Variants in GGA2 observed in about 807,000 individuals in gnomAD.
GGA2 encodes ADP-ribosylation factor-binding protein GGA2.
In GGA2, 48 loss-of-function variants were observed where a neutral mutation model predicts 79.5. The ratio of observed to expected loss-of-function variants is 0.60; its 90% CI spans 0.48 to 0.77. GGA2 has a LOEUF of 0.77. GGA2 is among the 30% of genes least tolerant of loss of function. The probability of loss-of-function intolerance (pLI) is 0.00; values close to 1 mark genes in which losing one functional copy is unlikely to be tolerated. For synonymous variants in GGA2, 317 were observed against 302.0 expected, an observed-to-expected ratio of 1.05 and a Z score of -0.51; for missense variants, 770 against 774.0, an observed-to-expected ratio of 0.99 and a Z score of 0.06.
chr16:23,501,411 A>AGT, intron 1 of GGA2: 1 of 442,060 alleles, frequency 2.3e-6, no homozygotes, highest in East Asian at 7.0e-5. Context: ...AAGATGGAGA[A>AGT]GTGTTTTTTG....
In GGA2 at chr16:23,470,053, C is replaced by T. The variant is rs139811732; in HGVS notation, c.1563G>A (p.Met521Ile). The change falls in exon 15 of 17, where the codon ATG (methionine) becomes ATA (isoleucine). Residue 521 changes from methionine to isoleucine, a missense_variant. Coordinates refer to ENST00000309859, the MANE Select transcript of GGA2 (RefSeq NM_015044.4). Reference sequence around the variant, plus strand: ...AGACAGGCTGGGGAGCCGTGCTCATCATGGTCAAGAGCAGCACCTGTACCT... The same window carrying T: ...AGACAGGCTGGGGAGCCGTGCTCATTATGGTCAAGAGCAGCACCTGTACCT... ...HPEVQVLLLT[M>I]MSTAPQPVWD... 1 of 1,607,084 alleles carries T rather than the reference C, an allele frequency of 6.2e-7. No homozygotes were observed. Among genetic ancestry groups the T allele is most frequent in the Non-Finnish European group, 8.5e-7 (1 of 1,176,944 alleles).
chr16:23,496,524 C>G (rs745654986), intron 1 of GGA2, among the ~76,000 whole-genome samples: 12 of 151,942 alleles, frequency 7.9e-5, no homozygotes, highest in Non-Finnish European at 1.0e-4. Context: ...CCATCTTGAC[C>G]GTTCATAAAA....
rs1444583082 is a variant in GGA2, at chr16:23,465,635, CAG to C, written c.*1953_*1954del. The C allele has an allele frequency of 5.4e-6, 3 of 554,024 alleles. No individual in the cohort carries two copies. Among genetic ancestry groups the C allele is most frequent in the Non-Finnish European group, 9.6e-6 (3 of 311,066 alleles). The allele number at this position is 554,024 out of a possible 1,614,324, so 34.3% of individuals were successfully genotyped here. A position where few individuals can be genotyped will look rare whatever the true frequency, so the allele number is the denominator to read the frequency against. On this transcript the variant is annotated 3_prime_UTR_variant, in exon 17 of 17. Coordinates refer to ENST00000309859, the MANE Select transcript of GGA2 (RefSeq NM_015044.4). ...CCTCTTCAAGACTACGCAACAGTAACAGAGCCTATAAAAGCTACACAGAGGCC... is the reference window on the plus strand; with the variant it reads ...CCTCTTCAAGACTACGCAACAGTAACAGCCTATAAAAGCTACACAGAGGCC...
intron 16 of GGA2, among the ~76,000 whole-genome samples, chr16:23,468,039 A>T (rs1964463063): frequency 6.6e-6 from 1 of 152,126 alleles, no homozygotes; most frequent in Admixed American, 6.5e-5. Context: ...AGCCCCAAAG[A>T]CAGACTCCAG....
chr16:23,469,116 A>T, intron 15 of GGA2, 120 bp from the exon 16 acceptor site: 1 of 638,928 alleles, frequency 1.6e-6, no homozygotes, highest in Non-Finnish European at 2.9e-6. Flanking sequence ...GCCCTCTTAA[A>T]CGTGGTACCC....
At chr16:23,497,126 C>T (rs961171204) in intron 1 of GGA2, among the ~76,000 whole-genome samples, 6 of 151,568 alleles carry the variant, frequency 4.0e-5, no homozygotes, top group South Asian at 2.1e-4. Context: ...AAAAAAACAA[C>T]CACCCTTCCA....
chr16:23,467,496 G>A lies in GGA2; in HGVS notation c.*94C>T, dbSNP rs1964455567. The A allele has an allele frequency of 2.8e-6, 2 of 702,608 alleles. No individual in the cohort carries two copies. Among genetic ancestry groups the A allele is most frequent in the Admixed American group, 4.1e-5 (2 of 48,756 alleles). 43.5% of individuals were successfully genotyped at this position (702,608 alleles called of 1,614,324 possible). The stretch of plus-strand genomic sequence containing the variant: ...AGCCTGACGTCAGGATAGGACTCTT[G>A]GCACTCCGCACTGAAACACCGTGAT... On this transcript the variant is annotated 3_prime_UTR_variant, in exon 17 of 17. Coordinates refer to ENST00000309859, the MANE Select transcript of GGA2 (RefSeq NM_015044.4).
intron 6 of GGA2, 54 bp from the exon 7 acceptor site, chr16:23,486,844 A>G: frequency 1.0e-6 from 1 of 960,828 alleles, no homozygotes; most frequent in South Asian, 1.3e-5. Flanking sequence ...TCAGGCCTAG[A>G]GCAGAAGCAG....
intron 5 of GGA2, among the ~76,000 whole-genome samples, chr16:23,491,326 A>C (rs965761763): frequency 1.3e-5 from 2 of 151,408 alleles, no homozygotes; most frequent in African/African-American, 4.8e-5. Context: ...AAAAAAAAAA[A>C]AAACCAAAAG....
upstream of GGA2, chr16:23,524,268 A>G: frequency 1.0e-6 from 1 of 955,276 alleles, no homozygotes; most frequent in Non-Finnish European, 1.7e-6. Flanking sequence ...TAGTTCCTTC[A>G]GCAAACTTCC....
At chr16:23,476,222 G>GC (rs769993478) in intron 13 of GGA2, among the ~76,000 whole-genome samples, 1 of 152,168 alleles carries the variant, frequency 6.6e-6, no homozygotes, top group South Asian at 2.1e-4. Flanking sequence ...AACCCACCCT[G>GC]CCCGAGTGGC....
intron 11 of GGA2, 83 bp from the exon 12 acceptor site, chr16:23,478,994 T>C: frequency 1.0e-6 from 1 of 954,326 alleles, no homozygotes; most frequent in Non-Finnish European, 1.7e-6. Context: ...CCATCCTTTC[T>C]AGGACATCCA....
At chr16:23,507,502 C>T (rs1371140222) in intron 1 of GGA2, among the ~76,000 whole-genome samples, 2 of 152,222 alleles carry the variant, frequency 1.3e-5, no homozygotes, top group African/African-American at 4.8e-5. Context: ...GTGGCTAATG[C>T]CTGTAATCCC....
chr16:23,465,738 C>A lies in GGA2; in HGVS notation c.*1852G>T, dbSNP rs933144823. ...GGCGGATCACCTGAGGTCAGGAGTT[C>A]GAGACCAGCCTGGCCAACATGGTGA... On this transcript the variant is annotated 3_prime_UTR_variant, in exon 17 of 17. Coordinates refer to ENST00000309859, the MANE Select transcript of GGA2 (RefSeq NM_015044.4). 2 of 234,766 alleles carry A rather than the reference C, an allele frequency of 8.5e-6. No individual in the cohort carries two copies. The highest frequency in any genetic ancestry group is 5.1e-5 in the Admixed American group (1 of 19,576). The allele number at this position is 234,766 out of a possible 1,614,324, so 14.5% of individuals were successfully genotyped here. A position where few individuals can be genotyped will look rare whatever the true frequency, so the allele number is the denominator to read the frequency against.
At position 23,473,330 on chromosome 16, in the gene GGA2, CTTTTTTTTT is replaced by C. The variant is rs34972165; in HGVS notation, c.1450+1565_1450+1573del. Among the ~76,000 whole-genome samples the C allele has an allele frequency of 3.4e-4, 24 of 70,690 alleles. 1 individual carries two copies. Among genetic ancestry groups the C allele is most frequent in the South Asian group, 6.2e-4 (1 of 1,614 alleles). 46.4% of individuals were successfully genotyped at this position (70,690 alleles called of 152,430 possible). A position where few individuals can be genotyped will look rare whatever the true frequency, so the allele number is the denominator to read the frequency against. ...GTATAGATGATTTTACTTTTCTAGTCTTTTTTTTTTTTTTTTTTTTTTTTTTAGACAGAG... is the reference window on the plus strand; with the variant it reads ...GTATAGATGATTTTACTTTTCTAGTCTTTTTTTTTTTTTTTTTAGACAGAG... On this transcript the variant is annotated intron_variant, in intron 14 of 16. Transcript: ENST00000309859.
intron 2 of GGA2, among the ~76,000 whole-genome samples, chr16:23,518,057 T>G (rs867800293): frequency 1.6e-4 from 25 of 151,870 alleles, no homozygotes; most frequent in African/African-American, 5.6e-4. Context: ...GGATTACAGG[T>G]GCGCACCACC....
At position 23,488,587 on chromosome 16, in the gene GGA2, T is replaced by C. The variant is rs1351059230; in HGVS notation, c.579+19A>G. 8 of 1,354,504 alleles carry C rather than the reference T, an allele frequency of 5.9e-6. No individual in the cohort carries two copies. Among genetic ancestry groups the C allele is most frequent in the Non-Finnish European group, 8.5e-6 (8 of 943,096 alleles). The allele number at this position is 1,354,504 out of a possible 1,614,324, so 83.9% of individuals were successfully genotyped here. A position where few individuals can be genotyped will look rare whatever the true frequency, so the allele number is the denominator to read the frequency against. ...AGAGAAAAGGTCTGATCAGACACCA[T>C]GTAGGTCTGTTTCCTTACCTTGGAC... On this transcript the variant is annotated intron_variant, in intron 6 of 16. Coordinates refer to ENST00000309859, the MANE Select transcript of GGA2 (RefSeq NM_015044.4).
intron 14 of GGA2, among the ~76,000 whole-genome samples, chr16:23,471,227 C>T (rs1446065992): frequency 6.6e-6 from 1 of 152,168 alleles, no homozygotes; most frequent in Admixed American, 6.5e-5. Flanking sequence ...TATGCTCACA[C>T]ACACACAATA....
chr16:23,474,577 G>A (rs1283578470), intron 14 of GGA2, among the ~76,000 whole-genome samples: 1 of 151,882 alleles, frequency 6.6e-6, no homozygotes, highest in Non-Finnish European at 1.5e-5. Flanking sequence ...AGGCTGGTCT[G>A]GAACTCCTGG....
Sources: allele counts gnomAD v4.1 joint callset (sites outside exome capture counted in the v4.1 genomes callset), GRCh38; gene constraint gnomAD v4.1.1; transcripts MANE v1.5; gene names NCBI Gene and HGNC (gene_info 2026-07-23, HGNC 2026-07-21).